Variants in CFAP58 observed in about 807,000 individuals in gnomAD.
The protein encoded by CFAP58 is cilia- and flagella-associated protein 58.
A neutral mutation model predicts 119.5 loss-of-function variants in CFAP58; 88 were observed. That is an observed-to-expected ratio of 0.74 (90% CI 0.62 to 0.88). The LOEUF is 0.88. Among genes scored for constraint, CFAP58 ranks in the 40% least tolerant of loss-of-function variants. The probability of loss-of-function intolerance (pLI) is 0.00; values close to 1 mark genes in which losing one functional copy is unlikely to be tolerated. For synonymous variants in CFAP58, 365 were observed against 366.3 expected (o/e 1.00, Z 0.04); for missense variants, 990 against 1,021.2 (o/e 0.97, Z 0.42).
At chr10:104,399,614 A>G in intron 12 of CFAP58, 114 bp downstream of exon 12, 1 of 1,082,792 alleles carries the variant, frequency 9.2e-7, no homozygotes, top group Non-Finnish European at 1.3e-6. Flanking sequence ...TATTGGAAGA[A>G]CAGCAGCAGA....
intron 15 of CFAP58, among the ~76,000 whole-genome samples, chr10:104,436,201 T>C (rs567971275): frequency 6.6e-6 from 1 of 152,230 alleles, no homozygotes; most frequent in Non-Finnish European, 1.5e-5. Context: ...TACATTTTAA[T>C]CTCAATCTTT....
intron 7 of CFAP58, among the ~76,000 whole-genome samples, chr10:104,371,639 C>T (rs1197275431): frequency 1.3e-5 from 2 of 152,172 alleles, no homozygotes; most frequent in African/African-American, 2.4e-5. Flanking sequence ...GTTTAGATCC[C>T]GTCTCACCAC....
the CFAP58 span, among the ~76,000 whole-genome samples, chr10:104,344,309 A>G: frequency 1.3e-5 from 2 of 152,246 alleles, no homozygotes; most frequent in Non-Finnish European, 2.9e-5. Context: ...TCATCCATCC[A>G]TTCATTCAAC....
At chr10:104,445,259 G>A (rs894340565) in intron 15 of CFAP58, among the ~76,000 whole-genome samples, 12 of 151,226 alleles carry the variant, frequency 7.9e-5, no homozygotes, top group African/African-American at 2.9e-4. Flanking sequence ...GGAGGTTGAG[G>A]CTGCAGTGAG....
chr10:104,422,754 C>T (rs979176725), intron 15 of CFAP58, among the ~76,000 whole-genome samples: 2 of 152,206 alleles, frequency 1.3e-5, no homozygotes, highest in African/African-American at 2.4e-5. Flanking sequence ...CCTCAATATG[C>T]AAGTACTTTT....
the CFAP58 span, among the ~76,000 whole-genome samples, chr10:104,347,033 C>T: frequency 1.7e-4 from 26 of 152,180 alleles, no homozygotes; most frequent in South Asian, 5.4e-3. Context: ...GTGTCTTGGG[C>T]AAGAAGCACC....
intron 17 of CFAP58, among the ~76,000 whole-genome samples, chr10:104,451,279 G>C (rs1302642572): frequency 6.6e-6 from 1 of 152,152 alleles, no homozygotes; most frequent in Non-Finnish European, 1.5e-5. Flanking sequence ...AAGGTAACTG[G>C]ATGCAAATTC....
chr10:104,345,101 T>G, the CFAP58 span, among the ~76,000 whole-genome samples: 2 of 151,904 alleles, frequency 1.3e-5, no homozygotes, highest in Admixed American at 1.3e-4. Context: ...GATCCGAGAT[T>G]GTGCCATTGC....
intron 16 of CFAP58, among the ~76,000 whole-genome samples, chr10:104,449,340 C>A (rs1429059128): frequency 1.3e-5 from 2 of 152,138 alleles, no homozygotes; most frequent in African/African-American, 4.8e-5. Flanking sequence ...ATAAATCCAG[C>A]CTATTGCATG....
At chr10:104,397,275 AT>A (rs1173750242) in intron 11 of CFAP58, among the ~76,000 whole-genome samples, 1 of 152,204 alleles carries the variant, frequency 6.6e-6, no homozygotes, top group Non-Finnish European at 1.5e-5. Context: ...CTAACAGACA[AT>A]CCCCCCAAGT....
intron 15 of CFAP58, among the ~76,000 whole-genome samples, chr10:104,424,569 T>C (rs2012712358): frequency 1.3e-5 from 2 of 152,170 alleles, no homozygotes. Context: ...AAATTTATGA[T>C]CTATTTGAGA....
intron 15 of CFAP58, among the ~76,000 whole-genome samples, chr10:104,433,866 C>G (rs1220254983): frequency 6.6e-6 from 1 of 152,206 alleles, no homozygotes; most frequent in Non-Finnish European, 1.5e-5. Flanking sequence ...TGCTTAAGAT[C>G]CTTTCCTTAT....
intron 9 of CFAP58, among the ~76,000 whole-genome samples, chr10:104,388,219 G>A (rs142354439): frequency 3.9e-5 from 6 of 152,178 alleles, no homozygotes; most frequent in African/African-American, 1.2e-4. Context: ...GATTTGATTC[G>A]GAGGAAAATC....
At chr10:104,398,249 G>A (rs758116641) in intron 11 of CFAP58, among the ~76,000 whole-genome samples, 1 of 152,184 alleles carries the variant, frequency 6.6e-6, no homozygotes, top group Admixed American at 6.5e-5. Context: ...AATGGATGGC[G>A]AATCCCTCAA....
chr10:104,381,017 G>T (rs1258417737), intron 9 of CFAP58, among the ~76,000 whole-genome samples: 1 of 152,108 alleles, frequency 6.6e-6, no homozygotes, highest in African/African-American at 2.4e-5. Context: ...GGGCATGGTG[G>T]TGTGCTCCTA....
intron 9 of CFAP58, 131 bp from the exon 10 acceptor site, chr10:104,392,102 A>G (rs1415050257): frequency 1.4e-6 from 1 of 734,898 alleles, no homozygotes; most frequent in Admixed American, 2.6e-5. Flanking sequence ...TGCAGTGATT[A>G]TAGCCACTGT....
chr10:104,407,250 T>C (rs1432088877), intron 15 of CFAP58, among the ~76,000 whole-genome samples: 2 of 152,250 alleles, frequency 1.3e-5, no homozygotes, highest in Non-Finnish European at 2.9e-5. Flanking sequence ...AATTGTTCTG[T>C]AGCAATTAGG....
chr10:104,399,175 AGTGT>A (rs35611566), intron 11 of CFAP58, among the ~76,000 whole-genome samples, 181 bp from the exon 12 acceptor site: 43 of 149,100 alleles, frequency 2.9e-4, no homozygotes, highest in East Asian at 9.8e-4. Context: ...TTTCTTTATG[AGTGT>A]GTGTGTGTGT....
chr10:104,393,984 C>T (rs989286321), intron 11 of CFAP58, among the ~76,000 whole-genome samples: 11 of 152,186 alleles, frequency 7.2e-5, no homozygotes, highest in Non-Finnish European at 1.2e-4. Flanking sequence ...TTGGTTTACC[C>T]TTGACCAGGT....
Sources: allele counts gnomAD v4.1 joint callset (sites outside exome capture counted in the v4.1 genomes callset), GRCh38; gene constraint gnomAD v4.1.1; transcripts MANE v1.5; gene names NCBI Gene and HGNC (gene_info 2026-07-23, HGNC 2026-07-21).